Variants in PARP9 observed in about 807,000 individuals in gnomAD.
PARP9 encodes protein mono-ADP-ribosyltransferase PARP9.
PARP9 carries 48 observed loss-of-function variants against 68.8 expected under a neutral mutation model. The ratio of observed to expected loss-of-function variants is 0.70; its 90% CI spans 0.55 to 0.89. PARP9 has a LOEUF of 0.89. Among genes scored for constraint, PARP9 ranks in the 40% least tolerant of loss-of-function variants. The pLI is 0.00. For missense variants in PARP9, 806 were observed against 969.3 expected, an observed-to-expected ratio of 0.83 and a Z score of 2.24; for synonymous variants, 309 against 333.8, an observed-to-expected ratio of 0.93 and a Z score of 0.81.
At chr3:122,532,527 TC>T in intron 10 of PARP9, 1 of 741,928 alleles carries the variant, frequency 1.3e-6, no homozygotes, top group Non-Finnish European at 1.6e-6. Context: ...ATTCAAATTT[TC>T]CACATCTGTG....
intron 1 of PARP9, among the ~76,000 whole-genome samples, chr3:122,561,037 T>G (rs756559010): frequency 4.6e-5 from 7 of 152,208 alleles, no homozygotes; most frequent in Admixed American, 2.0e-4. Flanking sequence ...CCATCACTGG[T>G]TCCTACTGTG....
intron 4 of PARP9, among the ~76,000 whole-genome samples, chr3:122,554,969 A>G (rs6768740): frequency 0.52 from 77,936 of 151,112 alleles, 20,721 homozygotes; most frequent in East Asian, 0.67. Flanking sequence ...CTCCTGTCTC[A>G]ACCTCCCAAA....
chr3:122,542,529 G>T (rs1012094218), intron 7 of PARP9, among the ~76,000 whole-genome samples: 10 of 152,168 alleles, frequency 6.6e-5, no homozygotes, highest in African/African-American at 2.4e-4. Flanking sequence ...GCCCAGGCTG[G>T]AGTGTAGTGG....
At chr3:122,562,089 T>C (rs2080254258) in intron 1 of PARP9, among the ~76,000 whole-genome samples, 1 of 152,210 alleles carries the variant, frequency 6.6e-6, no homozygotes, top group South Asian at 2.1e-4. Context: ...TGCCCCTTCC[T>C]TCCTCGCCCA....
At chr3:122,564,740 C>T, upstream of PARP9, 1 of 1,208,970 alleles carries the variant, frequency 8.3e-7, no homozygotes, top group South Asian at 1.6e-5. Flanking sequence ...CGGTGGCGGA[C>T]AGGGACGGGG....
At position 122,551,011 on chromosome 3, in the gene PARP9, G is replaced by C. The variant is rs80064157; in HGVS notation, c.1108-209C>G. ...GGTGAGAAACTGAAGCAATAGAGTG[G>C]CCATCTTGTGCTATTCAGGACATGA... On this transcript the variant is annotated intron_variant, in intron 5 of 10. Transcript: ENST00000682323. 8.5e-5 allele frequency among the ~76,000 whole-genome samples: 13 copies of C among 152,208 alleles called. No homozygotes were observed. In the East Asian group the frequency reaches 2.1e-3, roughly 25 times the overall value.
rs2077700285 is a variant in PARP9, at chr3:122,537,065, T to C, written c.1774A>G (p.Thr592Ala). 6.2e-7 allele frequency: 1 copy of C among 1,609,090 alleles called. No individual in the cohort carries two copies. The highest frequency in any genetic ancestry group is 1.3e-5 in the African/African-American group (1 of 74,466). Residue 592 changes from threonine (T) to alanine (A), a missense_variant, in exon 9 of 11, where the codon ACT becomes GCT. This residue lies in a region of PARP9 where 680 missense variants were observed against 858.8 expected (regional missense o/e 0.79). Transcript: ENST00000682323. ...RGLWRSLGQWTIQQQKTQDEM... is the reference protein window; with the variant it reads ...RGLWRSLGQWAIQQQKTQDEM... Reference sequence around the variant, plus strand: ...TCTTGGGTTTTTTGTTGCTGAATAGTCCACTGTCCTAAAAATGAGTAACAC... The same window carrying C: ...TCTTGGGTTTTTTGTTGCTGAATAGCCCACTGTCCTAAAAATGAGTAACAC...
intron 8 of PARP9, among the ~76,000 whole-genome samples, 180 bp downstream of exon 8, chr3:122,540,292 T>C (rs2078095998): frequency 6.6e-6 from 1 of 152,192 alleles, no homozygotes. Flanking sequence ...CAAATAACCC[T>C]GATTGTCAAA....
chr3:122,532,153 G>A lies in PARP9; in HGVS notation c.2081-3410C>T, dbSNP rs1326265450. ...GGCTGGAGAAGTCTCTGGAGCAGGT[G>A]AGGACCACTACCCAAGACCCTGCAT... On this transcript the variant is annotated intron_variant, in intron 10 of 10. Coordinates refer to ENST00000682323, the MANE Select transcript of PARP9 (RefSeq NM_001146105.2). 6 of 985,470 alleles carry A rather than the reference G, an allele frequency of 6.1e-6. No homozygotes were observed. The African/African-American group carries it at 7.0e-5, about 11-fold the overall frequency. 61.0% of individuals were successfully genotyped at this position (985,470 alleles called of 1,614,324 possible).
chr3:122,560,766 G>C (rs1332049070), intron 1 of PARP9, among the ~76,000 whole-genome samples: 1 of 152,154 alleles, frequency 6.6e-6, no homozygotes, highest in Non-Finnish European at 1.5e-5. Flanking sequence ...TACTCATCAA[G>C]GGAAAGCAGC....
At chr3:122,547,543 A>G (rs1250733696) in intron 6 of PARP9, among the ~76,000 whole-genome samples, 1 of 152,044 alleles carries the variant, frequency 6.6e-6, no homozygotes, top group Non-Finnish European at 1.5e-5. Context: ...TTCCTCTTGT[A>G]TGAAAATGGT....
chr3:122,562,650 T>C (rs1193889210), intron 1 of PARP9, among the ~76,000 whole-genome samples: 2 of 152,242 alleles, frequency 1.3e-5, no homozygotes, highest in African/African-American at 4.8e-5. Flanking sequence ...GCGCTTCTCC[T>C]GTATTCTTCC....
At chr3:122,529,033 A>G (rs1428884066) in intron 10 of PARP9, among the ~76,000 whole-genome samples, 2 of 151,766 alleles carry the variant, frequency 1.3e-5, no homozygotes, top group East Asian at 3.9e-4. Context: ...GGAACACCTG[A>G]GGTCAGAAGC....
At chr3:122,535,906 A>G in intron 10 of PARP9, 1 of 1,374,182 alleles carries the variant, frequency 7.3e-7, no homozygotes, top group Admixed American at 3.2e-5. Flanking sequence ...CACATAAAGG[A>G]GAAAAACAGT....
intron 7 of PARP9, among the ~76,000 whole-genome samples, chr3:122,542,850 C>T (rs543805513): frequency 1.2e-4 from 18 of 152,232 alleles, no homozygotes; most frequent in Admixed American, 2.6e-4. Flanking sequence ...GTAAATTGTT[C>T]GGATCACTAA....
chr3:122,547,827 G>A (rs543353664), intron 6 of PARP9, among the ~76,000 whole-genome samples: 81 of 152,126 alleles, frequency 5.3e-4, no homozygotes, highest in East Asian at 1.2e-3. Context: ...CACTCCAGCC[G>A]AGGCAGCAGA....
At chr3:122,546,674 C>T (rs1226274165) in intron 6 of PARP9, among the ~76,000 whole-genome samples, 2 of 152,078 alleles carry the variant, frequency 1.3e-5, no homozygotes, top group Non-Finnish European at 2.9e-5. Flanking sequence ...GGTCAACATT[C>T]ACTTTTAATG....
At chr3:122,549,139 C>G (rs1012930209) in intron 6 of PARP9, among the ~76,000 whole-genome samples, 2 of 152,016 alleles carry the variant, frequency 1.3e-5, no homozygotes, top group Admixed American at 6.5e-5. Context: ...CTCAGCCTCC[C>G]GAGTAGCTGG....
chr3:122,562,682 G>A (rs2080342823), intron 1 of PARP9, among the ~76,000 whole-genome samples: 1 of 152,166 alleles, frequency 6.6e-6, no homozygotes, highest in East Asian at 1.9e-4. Context: ...TTACACGAAA[G>A]GTAGTAGCTT....
Sources: allele counts gnomAD v4.1 joint callset (sites outside exome capture counted in the v4.1 genomes callset), GRCh38; gene constraint gnomAD v4.1.1; regional missense constraint gnomAD v4.1.1; transcripts MANE v1.5; gene names NCBI Gene and HGNC (gene_info 2026-07-23, HGNC 2026-07-21).